IGSF11: variants seen among roughly 807,000 people sequenced by gnomAD.
IGSF11 encodes the protein CXADR like 1.
In IGSF11, 22 loss-of-function variants were observed where a neutral mutation model predicts 41.0. That is an observed-to-expected ratio of 0.54 (90% confidence interval 0.38 to 0.77). IGSF11 has a LOEUF of 0.77. Among genes scored for constraint, IGSF11 ranks in the 30% least tolerant of loss-of-function variants. IGSF11 has a pLI of 0.00. For missense variants in IGSF11, 444 were observed against 530.8 expected (o/e 0.84, Z 1.61); for synonymous variants, 219 against 201.3 (o/e 1.09, Z -0.74).
At chr3:119,022,660 T>C (rs548941470) in intron 1 of IGSF11, among the ~76,000 whole-genome samples, 41 of 152,238 alleles carry the variant, frequency 2.7e-4, no homozygotes, top group Non-Finnish European at 5.4e-4. Flanking sequence ...AACACCTACA[T>C]ACATACACAC....
intron 1 of IGSF11, among the ~76,000 whole-genome samples, chr3:118,933,322 T>G (rs887331046): frequency 2.0e-5 from 3 of 152,042 alleles, no homozygotes; most frequent in Non-Finnish European, 4.4e-5. Context: ...AGCTAAATAT[T>G]ATCATCACAT....
chr3:119,105,598 C>G (rs1193974671), upstream of IGSF11, among the ~76,000 whole-genome samples: 1 of 152,178 alleles, frequency 6.6e-6, no homozygotes, highest in East Asian at 1.9e-4. Context: ...CAGTAACACA[C>G]TTATCCAATT....
intron 1 of IGSF11, among the ~76,000 whole-genome samples, chr3:118,977,712 G>A (rs1457249718): frequency 6.6e-6 from 1 of 152,160 alleles, no homozygotes; most frequent in Non-Finnish European, 1.5e-5. Context: ...ATCCTAGCCA[G>A]GGGAGAGCCC....
At chr3:118,981,423 A>G (rs1576547049) in intron 1 of IGSF11, among the ~76,000 whole-genome samples, 1 of 152,138 alleles carries the variant, frequency 6.6e-6, no homozygotes, top group Admixed American at 6.5e-5. Context: ...TTAGCCTCCC[A>G]AAGTTCTGGG....
chr3:119,132,718 C>A (rs2077502298), intron 1 of IGSF11, among the ~76,000 whole-genome samples: 1 of 152,070 alleles, frequency 6.6e-6, no homozygotes. Context: ...ACCAAGCAGA[C>A]CTAATAGACA....
At chr3:118,995,814 C>T (rs989475743) in intron 1 of IGSF11, among the ~76,000 whole-genome samples, 6 of 151,894 alleles carry the variant, frequency 4.0e-5, no homozygotes, top group Admixed American at 1.3e-4. Flanking sequence ...CACCACGCCC[C>T]GCTAATTTTT....
intron 4 of IGSF11, among the ~76,000 whole-genome samples, chr3:118,913,363 C>T (rs925516502): frequency 5.3e-5 from 8 of 152,128 alleles, no homozygotes; most frequent in African/African-American, 1.9e-4. Context: ...AAAATTAACA[C>T]ATACCTAAAA....
chr3:118,952,148 C>T (rs1576463947), intron 1 of IGSF11, among the ~76,000 whole-genome samples: 2 of 152,100 alleles, frequency 1.3e-5, no homozygotes, highest in African/African-American at 4.8e-5. Context: ...AAGTAAAAAA[C>T]ACTTCATGGC....
rs1293226329 is a variant in IGSF11, at chr3:118,930,163, G to A, written c.165C>T (p.Leu55=). 6.2e-7 allele frequency: 1 copy of A among 1,614,038 alleles called. No individual in the cohort carries two copies. Among genetic ancestry groups the A allele is most frequent in the Non-Finnish European group, 8.5e-7 (1 of 1,179,960 alleles). Reference sequence around the variant, plus strand: ...GAGGAGTGACCATCCAAATGACATTGAGGTTAATGAGGGCAGCGCTGGTAG... The same window carrying A: ...GAGGAGTGACCATCCAAATGACATTAAGGTTAATGAGGGCAGCGCTGGTAG... The part of the protein sequence containing the change: ...TFTTSAALIN[L]NVIWMVTPLS... The change falls in exon 2 of 7, where the codon CTC becomes CTT. Residue 55 remains leucine (L), a synonymous_variant. Transcript: ENST00000393775.
chr3:118,946,553 C>T (rs997913566), intron 1 of IGSF11, among the ~76,000 whole-genome samples: 5 of 152,016 alleles, frequency 3.3e-5, no homozygotes, highest in African/African-American at 1.2e-4. Context: ...ACCTCCCTTA[C>T]TATTCCTGAA....
intron 1 of IGSF11, among the ~76,000 whole-genome samples, chr3:118,996,707 C>G (rs184171577): frequency 2.0e-5 from 3 of 152,034 alleles, no homozygotes; most frequent in Non-Finnish European, 4.4e-5. Flanking sequence ...TCACGACATT[C>G]TCCTGCCTCA....
chr3:118,971,527 G>C (rs943631434), intron 1 of IGSF11, among the ~76,000 whole-genome samples: 1 of 152,154 alleles, frequency 6.6e-6, no homozygotes, highest in South Asian at 2.1e-4. Flanking sequence ...TAGTTGGGCC[G>C]GGCGCAGTGG....
intron 1 of IGSF11, among the ~76,000 whole-genome samples, chr3:119,093,124 A>C (rs1390712921): frequency 6.6e-6 from 1 of 152,256 alleles, no homozygotes; most frequent in Non-Finnish European, 1.5e-5. Flanking sequence ...AAAAATAAAC[A>C]CAAAGGTATA....
chr3:119,059,658 T>TC (rs1941992017), intron 1 of IGSF11, among the ~76,000 whole-genome samples: 1 of 152,128 alleles, frequency 6.6e-6, no homozygotes, highest in Non-Finnish European at 1.5e-5. Flanking sequence ...ACTGGTGATT[T>TC]TTTTTTTTAA....
chr3:119,101,293 T>C (rs960744365), intron 1 of IGSF11, among the ~76,000 whole-genome samples: 1 of 152,176 alleles, frequency 6.6e-6, no homozygotes, highest in African/African-American at 2.4e-5. Flanking sequence ...GCAGATTACC[T>C]GAGGTCGGGA....
At chr3:119,043,752 C>A (rs1941211237) in intron 1 of IGSF11, among the ~76,000 whole-genome samples, 1 of 152,152 alleles carries the variant, frequency 6.6e-6, no homozygotes, top group Admixed American at 6.6e-5. Context: ...AGGCATTCCC[C>A]AATACCAGAC....
chr3:118,956,183 G>C (rs755205176), intron 1 of IGSF11, among the ~76,000 whole-genome samples: 1 of 152,134 alleles, frequency 6.6e-6, no homozygotes, highest in Non-Finnish European at 1.5e-5. Context: ...CTCTAGATTA[G>C]GTTTTGGCTT....
intron 1 of IGSF11, among the ~76,000 whole-genome samples, chr3:119,008,799 T>C (rs1298397299): frequency 6.6e-6 from 1 of 152,180 alleles, no homozygotes; most frequent in Non-Finnish European, 1.5e-5. Context: ...ATTTAAGTCA[T>C]TGGACTGAGT....
intron 1 of IGSF11, among the ~76,000 whole-genome samples, chr3:118,995,358 T>C (rs776977403): frequency 4.6e-5 from 7 of 151,458 alleles, no homozygotes; most frequent in Non-Finnish European, 5.9e-5. Flanking sequence ...GTACAGGCAA[T>C]GATCACCGTT....
Sources: gnomAD v4.1 joint callset for allele counts (sites outside exome capture counted in the v4.1 genomes callset) on GRCh38, gnomAD v4.1.1 for gene constraint, MANE v1.5 for transcripts, NCBI Gene and HGNC (gene_info 2026-07-23, HGNC 2026-07-21) for gene names.